The following SCHIP1 variants were observed in gnomAD, a reference collection of about 807,000 sequenced individuals.
SCHIP1 encodes schwannomin interacting protein 1.
SCHIP1 carries 8 observed loss-of-function variants against 29.7 expected under a neutral mutation model. The observed-to-expected ratio is 0.27, with a 90% CI of 0.16 to 0.49. The LOEUF is 0.49. Ranked by LOEUF, SCHIP1 falls within the 20% of genes least tolerant of loss-of-function variation. The probability of loss-of-function intolerance (pLI) is 0.99; values close to 1 mark genes in which losing one functional copy is unlikely to be tolerated. For synonymous variants in SCHIP1, 76 were observed against 94.9 expected, an observed-to-expected ratio of 0.80 and a Z score of 1.16; for missense variants, 193 against 294.6, an observed-to-expected ratio of 0.66 and a Z score of 2.52.
the SCHIP1 span, among the ~76,000 whole-genome samples, chr3:159,664,524 G>A: frequency 6.6e-6 from 1 of 151,998 alleles, no homozygotes; most frequent in Non-Finnish European, 1.5e-5. Flanking sequence ...TGTTGTAAAA[G>A]TGTACATATT....
At chr3:159,460,074 C>G in the SCHIP1 span, among the ~76,000 whole-genome samples, 39 of 152,312 alleles carry the variant, frequency 2.6e-4, no homozygotes, top group South Asian at 4.1e-3. Context: ...GGCTTCTCAT[C>G]AACTCTTACC....
chr3:159,656,418 G>A, the SCHIP1 span, among the ~76,000 whole-genome samples: 1 of 152,014 alleles, frequency 6.6e-6, no homozygotes, highest in African/African-American at 2.4e-5. Context: ...ACCTCCTCTT[G>A]TACCTTAGAG....
the SCHIP1 span, among the ~76,000 whole-genome samples, chr3:159,562,157 TC>T: frequency 6.6e-6 from 1 of 152,210 alleles, no homozygotes; most frequent in Non-Finnish European, 1.5e-5. Flanking sequence ...ATTCTCTCAA[TC>T]CTTTGCTCGT....
chr3:159,530,380 C>T, the SCHIP1 span, among the ~76,000 whole-genome samples: 70 of 152,292 alleles, frequency 4.6e-4, no homozygotes, highest in African/African-American at 1.6e-3. Flanking sequence ...GCTGAAAGAG[C>T]TCTTGCTTGC....
At chr3:159,839,748 C>CTT, upstream of SCHIP1, 1 of 420,578 alleles carries the variant, frequency 2.4e-6, no homozygotes, top group Non-Finnish European at 3.8e-6. Context: ...TGTGTCTGTC[C>CTT]CTCTCCCTCT....
chr3:159,596,975 G>C, the SCHIP1 span, among the ~76,000 whole-genome samples: 8 of 143,706 alleles, frequency 5.6e-5, no homozygotes, highest in Non-Finnish European at 1.0e-4. Flanking sequence ...CAGAACAAAA[G>C]CATCTTTAAA....
the SCHIP1 span, among the ~76,000 whole-genome samples, chr3:159,397,329 T>C: frequency 3.5e-4 from 54 of 152,354 alleles, no homozygotes; most frequent in African/African-American, 1.3e-3. Flanking sequence ...CTCGTTAAAG[T>C]CATTCTCCGT....
chr3:159,700,328 T>G, the SCHIP1 span, among the ~76,000 whole-genome samples: 20 of 152,262 alleles, frequency 1.3e-4, no homozygotes, highest in Admixed American at 7.2e-4. Context: ...TTACCCAGTT[T>G]CTCCAGCAAA....
the SCHIP1 span, among the ~76,000 whole-genome samples, chr3:159,457,639 C>T: frequency 5.3e-5 from 8 of 151,914 alleles, no homozygotes; most frequent in African/African-American, 1.2e-4. Context: ...TATGACATAT[C>T]AAAGAGAAAT....
the SCHIP1 span, among the ~76,000 whole-genome samples, chr3:159,360,510 G>C: frequency 6.6e-6 from 1 of 152,096 alleles, no homozygotes; most frequent in African/African-American, 2.4e-5. Context: ...TGTCCAAAAT[G>C]TCATATAAAG....
chr3:159,775,108 T>A, the SCHIP1 span, among the ~76,000 whole-genome samples: 3 of 152,228 alleles, frequency 2.0e-5, no homozygotes, highest in African/African-American at 7.2e-5. Context: ...AGTCTGCAGC[T>A]GATTTCTGCA....
the SCHIP1 span, among the ~76,000 whole-genome samples, chr3:159,624,723 A>C: frequency 1.3e-5 from 2 of 152,154 alleles, no homozygotes; most frequent in Non-Finnish European, 2.9e-5. Flanking sequence ...TAAGGAAGCA[A>C]TCTTGAGCTA....
chr3:159,605,277 G>T, the SCHIP1 span, among the ~76,000 whole-genome samples: 1 of 152,184 alleles, frequency 6.6e-6, no homozygotes, highest in Non-Finnish European at 1.5e-5. Flanking sequence ...TTACTAATCT[G>T]CCAAATTAAA....
chr3:159,637,020 A>T, the SCHIP1 span, among the ~76,000 whole-genome samples: 1 of 152,186 alleles, frequency 6.6e-6, no homozygotes, highest in Admixed American at 6.5e-5. Flanking sequence ...TTGATATTAC[A>T]CTACTGATAT....
At chr3:159,677,771 G>A in the SCHIP1 span, among the ~76,000 whole-genome samples, 1 of 152,112 alleles carries the variant, frequency 6.6e-6, no homozygotes, top group Non-Finnish European at 1.5e-5. Context: ...GCTGCCTCTT[G>A]ATTACACCTC....
chr3:159,713,022 G>T, the SCHIP1 span, among the ~76,000 whole-genome samples: 5 of 150,338 alleles, frequency 3.3e-5, no homozygotes, highest in Non-Finnish European at 7.4e-5. Context: ...AGGCGTGGTG[G>T]TGCATGCCTG....
chr3:159,683,391 A>G, the SCHIP1 span, among the ~76,000 whole-genome samples: 12 of 151,996 alleles, frequency 7.9e-5, no homozygotes, highest in Admixed American at 7.9e-4. Context: ...GATCTTTCAC[A>G]TGAACACTAA....
At chr3:159,878,500 C>T (rs1208310114) in intron 2 of SCHIP1, among the ~76,000 whole-genome samples, 204 of 148,576 alleles carry the variant, frequency 1.4e-3, no homozygotes, top group Non-Finnish European at 2.3e-3. Flanking sequence ...AAAAATAGGC[C>T]GGGCGCGGTG....
At chr3:159,452,861 C>T in the SCHIP1 span, among the ~76,000 whole-genome samples, 1 of 152,088 alleles carries the variant, frequency 6.6e-6, no homozygotes, top group South Asian at 2.1e-4. Flanking sequence ...TTCTCCACAG[C>T]CAATGCAAGA....
Sources: gnomAD v4.1 joint callset for allele counts (sites outside exome capture counted in the v4.1 genomes callset) on GRCh38, gnomAD v4.1.1 for gene constraint, MANE v1.5 for transcripts, NCBI Gene and HGNC (gene_info 2026-07-23, HGNC 2026-07-21) for gene names.